Variants in IPO11 observed in about 807,000 individuals in gnomAD.
The protein encoded by IPO11 is importin-11.
In IPO11, 66 loss-of-function variants were observed where a neutral mutation model predicts 143.2. The ratio of observed to expected loss-of-function variants is 0.46; its 90% CI spans 0.38 to 0.57. IPO11 has a LOEUF of 0.57. Among genes scored for constraint, IPO11 ranks in the 20% least tolerant of loss-of-function variants. The pLI is 0.00. For synonymous variants in IPO11, 385 were observed against 377.8 expected, an observed-to-expected ratio of 1.02 and a Z score of -0.22; for missense variants, 1,026 against 1,141.0, an observed-to-expected ratio of 0.90 and a Z score of 1.45.
chr5:62,502,706 T>C (rs1741388668), intron 16 of IPO11, among the ~76,000 whole-genome samples: 1 of 152,244 alleles, frequency 6.6e-6, no homozygotes. Flanking sequence ...GGCTCGGGGT[T>C]GAGTGCATCT....
At chr5:62,587,679 T>A (rs932979946) in intron 27 of IPO11, among the ~76,000 whole-genome samples, 2 of 152,234 alleles carry the variant, frequency 1.3e-5, no homozygotes, top group African/African-American at 4.8e-5. Flanking sequence ...TAGAGACTGT[T>A]AACCCCCTCA....
chr5:62,592,058 C>T (rs1016987312), intron 28 of IPO11, among the ~76,000 whole-genome samples: 1 of 152,092 alleles, frequency 6.6e-6, no homozygotes, highest in African/African-American at 2.4e-5. Flanking sequence ...CCATGTTGGT[C>T]AGGGTGGTCT....
chr5:62,558,904 T>C (rs1376853360), intron 26 of IPO11, among the ~76,000 whole-genome samples: 2 of 152,210 alleles, frequency 1.3e-5, no homozygotes, highest in African/African-American at 4.8e-5. Flanking sequence ...GTGAGTATCT[T>C]CATAGCAAAA....
intron 5 of IPO11, among the ~76,000 whole-genome samples, chr5:62,462,629 C>T (rs994079036): frequency 6.6e-6 from 1 of 152,166 alleles, no homozygotes; most frequent in Non-Finnish European, 1.5e-5. Flanking sequence ...CTCCTGGGCT[C>T]AAGCAATCCT....
intron 27 of IPO11, among the ~76,000 whole-genome samples, chr5:62,567,479 T>TATA: frequency 9.9e-6 from 1 of 101,254 alleles, no homozygotes; most frequent in Non-Finnish European, 2.0e-5. Context: ...TTTCTATTAT[T>TATA]ATTATTATTA....
At chr5:62,469,143 C>T (rs924909411) in intron 6 of IPO11, among the ~76,000 whole-genome samples, 1 of 152,088 alleles carries the variant, frequency 6.6e-6, no homozygotes, top group African/African-American at 2.4e-5. Context: ...TGGAAGTTAA[C>T]TAGGTGATGA....
At chr5:62,604,172 G>C (rs1016809426) in intron 29 of IPO11, among the ~76,000 whole-genome samples, 1 of 152,152 alleles carries the variant, frequency 6.6e-6, no homozygotes, top group South Asian at 2.1e-4. Flanking sequence ...ATCTCGAGAA[G>C]TATTTTTCCT....
chr5:62,425,334 C>T (rs904638023), intron 1 of IPO11, among the ~76,000 whole-genome samples: 4 of 152,082 alleles, frequency 2.6e-5, no homozygotes, highest in Admixed American at 6.6e-5. Flanking sequence ...TTTATTTTTT[C>T]AAGACGGAGT....
In IPO11 at chr5:62,515,377, T is replaced by A. The variant is rs763971524; in HGVS notation, c.1783-11T>A. 8.3e-6 allele frequency: 13 copies of A among 1,574,396 alleles called. No homozygotes were observed. The highest frequency in any genetic ancestry group is 1.0e-5 in the Non-Finnish European group (12 of 1,163,280). ...AAAATTTTGTTGTTTCCTCTACTTA[T>A]ATTGTAATAGATACGACCATATGTG... On this transcript the variant is annotated splice_polypyrimidine_tract_variant and intron_variant, in intron 19 of 29. Coordinates refer to ENST00000325324, the MANE Select transcript of IPO11 (RefSeq NM_016338.5).
chr5:62,622,704 GTAA>G (rs1207800309), intron 29 of IPO11, among the ~76,000 whole-genome samples: 1 of 152,150 alleles, frequency 6.6e-6, no homozygotes, highest in Non-Finnish European at 1.5e-5. Context: ...GAATGCCCAA[GTAA>G]TAATGGTCAA....
chr5:62,515,960 G>T (rs1157088190), intron 20 of IPO11, among the ~76,000 whole-genome samples: 1 of 152,184 alleles, frequency 6.6e-6, no homozygotes, highest in African/African-American at 2.4e-5. Flanking sequence ...TGAGGTGTTG[G>T]GATGTGGTAG....
chr5:62,526,865 CA>C (rs1554053577), intron 21 of IPO11: 3 of 152,074 alleles, frequency 2.0e-5, no homozygotes. Flanking sequence ...TTCAATAATA[CA>C]TGAAAAGTTT....
chr5:62,504,816 A>G, intron 17 of IPO11, 42 bp from the exon 18 acceptor site: 1 of 1,414,374 alleles, frequency 7.1e-7, no homozygotes, highest in Non-Finnish European at 9.7e-7. Flanking sequence ...ATTTATTTTG[A>G]TAAAACTTAT....
chr5:62,575,457 C>G (rs539391726), intron 27 of IPO11, among the ~76,000 whole-genome samples: 11 of 152,204 alleles, frequency 7.2e-5, no homozygotes, highest in Admixed American at 3.3e-4. Flanking sequence ...TTTACTCTGT[C>G]ATGTCATTTC....
At chr5:62,555,745 C>T (rs1251289307) in intron 26 of IPO11, among the ~76,000 whole-genome samples, 1 of 152,008 alleles carries the variant, frequency 6.6e-6, no homozygotes, top group Non-Finnish European at 1.5e-5. Context: ...CCTCGTGATC[C>T]GCCTGCCTCG....
chr5:62,481,854 A>G (rs1352510845), intron 9 of IPO11, among the ~76,000 whole-genome samples: 1 of 152,182 alleles, frequency 6.6e-6, no homozygotes, highest in Non-Finnish European at 1.5e-5. Context: ...GAATAGTTTC[A>G]GAAGGAATGG....
intron 26 of IPO11, among the ~76,000 whole-genome samples, chr5:62,559,698 C>T (rs1743702246): frequency 6.6e-6 from 1 of 151,724 alleles, no homozygotes; most frequent in African/African-American, 2.4e-5. Context: ...GGGTGGATCA[C>T]CTTAGGTCCG....
chr5:62,503,561 A>G (rs1267045333), intron 16 of IPO11, among the ~76,000 whole-genome samples: 8 of 152,072 alleles, frequency 5.3e-5, no homozygotes, highest in African/African-American at 1.9e-4. Flanking sequence ...TTCCTCATTG[A>G]ATAGTTTTTG....
chr5:62,537,324 AT>A, intron 24 of IPO11, 35 bp downstream of exon 24: 1 of 1,269,514 alleles, frequency 7.9e-7, no homozygotes, highest in Admixed American at 1.9e-5. Context: ...ATATTTATGA[AT>A]TTTTCATTTA....
Sources: gnomAD v4.1 joint callset for allele counts (sites outside exome capture counted in the v4.1 genomes callset) on GRCh38, gnomAD v4.1.1 for gene constraint, MANE v1.5 for transcripts, NCBI Gene and HGNC (gene_info 2026-07-23, HGNC 2026-07-21) for gene names.